The following LRP1B variants were observed in gnomAD, a reference collection of about 807,000 sequenced individuals.
The protein encoded by LRP1B is low-density lipoprotein receptor-related protein 1B.
LRP1B carries 217 observed loss-of-function variants against 556.6 expected under a neutral mutation model. That is an observed-to-expected ratio of 0.39 (90% CI 0.35 to 0.44). The LOEUF (loss-of-function observed/expected upper bound fraction) is 0.44, where lower values mean the gene tolerates loss of function less well. Among genes scored for constraint, LRP1B ranks in the 20% least tolerant of loss-of-function variants. The probability of loss-of-function intolerance (pLI) is 1.00; values close to 1 mark genes in which losing one functional copy is unlikely to be tolerated. For synonymous variants in LRP1B, 2,047 were observed against 1,865.8 expected (o/e 1.10, Z -2.50); for missense variants, 5,053 against 5,620.8 (o/e 0.90, Z 3.23).
chr2:140,256,447 TCC>T (rs1252855081), intron 86 of LRP1B, among the ~76,000 whole-genome samples: 1 of 128,124 alleles, frequency 7.8e-6, no homozygotes, highest in Non-Finnish European at 1.6e-5. Flanking sequence ...CTTTTTTCCT[TCC>T]TTTTTTTTTT....
chr2:141,359,315 A>C (rs571693046), intron 3 of LRP1B, among the ~76,000 whole-genome samples: 1 of 152,014 alleles, frequency 6.6e-6, no homozygotes, highest in Non-Finnish European at 1.5e-5. Flanking sequence ...AATGCTATTA[A>C]AAAATACACA....
chr2:141,245,411 G>T (rs1467177214), intron 5 of LRP1B, among the ~76,000 whole-genome samples: 3 of 152,146 alleles, frequency 2.0e-5, no homozygotes, highest in Non-Finnish European at 4.4e-5. Flanking sequence ...AACAACTGAA[G>T]CTTGCTTAGC....
intron 41 of LRP1B, among the ~76,000 whole-genome samples, chr2:140,649,536 C>A (rs1684601922): frequency 6.6e-6 from 1 of 152,192 alleles, no homozygotes; most frequent in South Asian, 2.1e-4. Flanking sequence ...ATCATAGTTT[C>A]TTTTCTCTCA....
At chr2:142,075,841 A>T (rs1323740192) in intron 1 of LRP1B, among the ~76,000 whole-genome samples, 1 of 152,118 alleles carries the variant, frequency 6.6e-6, no homozygotes, top group Non-Finnish European at 1.5e-5. Flanking sequence ...TGTCTTTTCA[A>T]TCACAATCAA....
chr2:141,424,097 T>A (rs1680257801), intron 3 of LRP1B, among the ~76,000 whole-genome samples: 1 of 149,110 alleles, frequency 6.7e-6, no homozygotes, highest in African/African-American at 2.5e-5. Flanking sequence ...TGGAGTTAAC[T>A]ATTACAAGCC....
chr2:140,916,137 A>G (rs530334123), intron 21 of LRP1B, among the ~76,000 whole-genome samples: 1 of 152,288 alleles, frequency 6.6e-6, no homozygotes, highest in African/African-American at 2.4e-5. Flanking sequence ...CACATAAACA[A>G]TGAACAGCTT....
intron 1 of LRP1B, among the ~76,000 whole-genome samples, chr2:141,995,170 T>G (rs963986516): frequency 6.6e-6 from 1 of 152,118 alleles, no homozygotes; most frequent in African/African-American, 2.4e-5. Context: ...CAACACGAAT[T>G]TATTTACTTA....
At chr2:141,978,330 G>A (rs374060832) in intron 1 of LRP1B, among the ~76,000 whole-genome samples, 9 of 152,090 alleles carry the variant, frequency 5.9e-5, no homozygotes, top group African/African-American at 2.2e-4. Context: ...GGAGAATCAA[G>A]CAGTATGTGA....
rs10168756 is a variant in LRP1B at position 141,978,165 on chromosome 2, G to A, written c.82+152483C>T. 9.0e-4 allele frequency among the ~76,000 whole-genome samples: 137 copies of A among 152,212 alleles called. 1 individual carries two copies. The highest frequency in any genetic ancestry group is 3.2e-3 in the African/African-American group (134 of 41,560). On this transcript the variant is annotated intron_variant, in intron 1 of 90. Transcript: ENST00000389484. ...TGCAATTGTAATATGGATAGTGAGT[G>A]AATGAACTTATCTCCTTATCTCTCT...
intron 3 of LRP1B, among the ~76,000 whole-genome samples, chr2:141,309,326 T>C (rs1686721693): frequency 6.6e-6 from 1 of 152,260 alleles, no homozygotes; most frequent in Non-Finnish European, 1.5e-5. Flanking sequence ...TCTTATGGGC[T>C]TGGTTTTGAT....
chr2:140,546,420 G>T (rs1398545826), intron 43 of LRP1B, among the ~76,000 whole-genome samples: 1 of 152,050 alleles, frequency 6.6e-6, no homozygotes, highest in Non-Finnish European at 1.5e-5. Context: ...AGGAAAAAAG[G>T]TTTAATTGAC....
At chr2:141,017,752 T>G (rs1401401502) in intron 12 of LRP1B, among the ~76,000 whole-genome samples, 4 of 151,738 alleles carry the variant, frequency 2.6e-5, no homozygotes, top group Non-Finnish European at 4.4e-5. Flanking sequence ...CCCAGCACTT[T>G]GGGAGGCTGA....
intron 32 of LRP1B, among the ~76,000 whole-genome samples, chr2:140,779,751 AGAGAGT>A (rs112991166): frequency 0.04 from 3,430 of 86,800 alleles, 81 homozygotes; most frequent in South Asian, 0.16. Flanking sequence ...TCTCTCTGTG[AGAGAGT>A]GTGTGTGTGT....
At chr2:141,905,763 A>ACGTGTGTGT (rs71338143) in intron 1 of LRP1B, among the ~76,000 whole-genome samples, 15,128 of 115,002 alleles carry the variant, frequency 0.13, 1,231 homozygotes, top group Non-Finnish European at 0.16. Flanking sequence ...TGGTTTGAAT[A>ACGTGTGTGT]GATGTGTGTG....
chr2:141,519,334 C>T (rs547510737), intron 2 of LRP1B, among the ~76,000 whole-genome samples: 3 of 134,112 alleles, frequency 2.2e-5, no homozygotes, highest in Non-Finnish European at 4.7e-5. Context: ...GAAAAATATT[C>T]CACCATGTGT....
chr2:141,127,900 T>C (rs1701255674), intron 7 of LRP1B, among the ~76,000 whole-genome samples: 1 of 152,224 alleles, frequency 6.6e-6, no homozygotes, highest in African/African-American at 2.4e-5. Context: ...TCAAAGCATG[T>C]CCCTTGACTT....
intron 2 of LRP1B, among the ~76,000 whole-genome samples, chr2:141,791,886 T>C (rs1464473931): frequency 6.6e-6 from 1 of 152,030 alleles, no homozygotes; most frequent in East Asian, 1.9e-4. Context: ...AGTCAGTAGA[T>C]CATGGCTAAG....
chr2:140,955,207 T>C (rs1415268279), intron 18 of LRP1B, among the ~76,000 whole-genome samples: 2 of 151,926 alleles, frequency 1.3e-5, no homozygotes, highest in African/African-American at 2.4e-5. Flanking sequence ...TATAATAAAT[T>C]ACCATAATTG....
intron 1 of LRP1B, among the ~76,000 whole-genome samples, chr2:142,011,930 G>A (rs1702970705): frequency 6.6e-6 from 1 of 152,016 alleles, no homozygotes; most frequent in African/African-American, 2.4e-5. Flanking sequence ...AATGGTCTAG[G>A]ATTTAGCAAA....
Sources: allele counts gnomAD v4.1 joint callset (sites outside exome capture counted in the v4.1 genomes callset), GRCh38; gene constraint gnomAD v4.1.1; transcripts MANE v1.5; gene names NCBI Gene and HGNC (gene_info 2026-07-23, HGNC 2026-07-21).